GNB1: variants seen among roughly 807,000 people sequenced by gnomAD.
GNB1 encodes the protein G protein subunit beta 1.
Under a neutral mutation model 42.9 loss-of-function variants are expected in GNB1, and 2 were observed. That is an observed-to-expected ratio of 0.05 (90% CI 0.02 to 0.15). The LOEUF (loss-of-function observed/expected upper bound fraction) is 0.15. GNB1 is among the 10% of genes least tolerant of loss of function. GNB1 has a pLI of 1.00. For synonymous variants in GNB1, 183 were observed against 174.7 expected (o/e 1.05, Z -0.38); for missense variants, 193 against 462.2 (o/e 0.42, Z 5.34).
At chr1:1,856,560 T>C (rs1648310564) in intron 1 of GNB1, among the ~76,000 whole-genome samples, 1 of 152,202 alleles carries the variant, frequency 6.6e-6, no homozygotes, top group Non-Finnish European at 1.5e-5. Context: ...CCCGAGTAGC[T>C]GGGACTACAG....
chr1:1,860,506 G>A (rs892204666), intron 1 of GNB1, among the ~76,000 whole-genome samples: 1 of 151,942 alleles, frequency 6.6e-6, no homozygotes, highest in Non-Finnish European at 1.5e-5. Context: ...TCGTGGTGGT[G>A]GGCGCCTGTA....
intron 1 of GNB1, among the ~76,000 whole-genome samples, chr1:1,847,767 T>G (rs1055178204): frequency 2.0e-5 from 3 of 151,936 alleles, no homozygotes; most frequent in African/African-American, 7.3e-5. Flanking sequence ...ATGAAAAGAC[T>G]GTGCATATGC....
intron 3 of GNB1, chr1:1,825,125 G>A: frequency 2.9e-6 from 1 of 344,128 alleles, no homozygotes; most frequent in South Asian, 4.9e-5. Context: ...AAATTTTCAA[G>A]GTTATGATAA....
At position 1,812,065 on chromosome 1, in the gene GNB1, C is replaced by CAAAA. The variant is rs1337182201; in HGVS notation, c.203+3687_203+3690dup. 8.0e-5 allele frequency among the ~76,000 whole-genome samples: 11 copies of CAAAA among 136,726 alleles called. 1 individual carries two copies. Among genetic ancestry groups the CAAAA allele is most frequent in the Admixed American group, 2.9e-4 (4 of 13,740 alleles). The allele number at this position is 136,726 out of a possible 152,430, so 89.7% of individuals were successfully genotyped here. ...TGGGTGACAGAGCGAGACTCCGTCT[C>CAAAA]AAAAAAAAAAACCCAAAAAAACTGG... On this transcript the variant is annotated intron_variant, in intron 5 of 11. Transcript: ENST00000378609.
chr1:1,887,603 G>A (rs1233964526), intron 1 of GNB1, among the ~76,000 whole-genome samples: 1 of 152,176 alleles, frequency 6.6e-6, no homozygotes, highest in Non-Finnish European at 1.5e-5. Flanking sequence ...TGAAATCAAA[G>A]TCATTGGGCA....
chr1:1,818,124 G>A, intron 3 of GNB1: 1 of 362,980 alleles, frequency 2.8e-6, no homozygotes, highest in African/African-American at 2.1e-5. Flanking sequence ...CAATATTCCT[G>A]GGGACCCACA....
At chr1:1,845,498 A>C (rs986939416) in intron 1 of GNB1, among the ~76,000 whole-genome samples, 1 of 152,108 alleles carries the variant, frequency 6.6e-6, no homozygotes, top group South Asian at 2.1e-4. Flanking sequence ...GCGTGAACCC[A>C]GGAGGCGGAG....
chr1:1,789,323 G>A (rs1469082904), intron 9 of GNB1, 54 bp from the exon 10 acceptor site: 2 of 1,002,188 alleles, frequency 2.0e-6, no homozygotes, highest in East Asian at 2.5e-5. Flanking sequence ...AAGAAACATT[G>A]GGAATATGGA....
intron 5 of GNB1, among the ~76,000 whole-genome samples, chr1:1,810,770 C>T (rs555316065): frequency 6.6e-5 from 10 of 150,814 alleles, no homozygotes; most frequent in African/African-American, 2.2e-4. Flanking sequence ...TGGGTTCAAG[C>T]GATTATCCTG....
chr1:1,786,443 A>G lies in GNB1; in HGVS notation c.*620T>C, dbSNP rs1253660890. ...CTTTTCTATGCCACGTTTGTGTGCAACAATGATCTGTGACATCAGACAGAA... is the reference window on the plus strand; with the variant it reads ...CTTTTCTATGCCACGTTTGTGTGCAGCAATGATCTGTGACATCAGACAGAA... On this transcript the variant is annotated 3_prime_UTR_variant, in exon 12 of 12. Transcript: ENST00000378609. 1.0e-5 allele frequency: 2 copies of G among 196,020 alleles called. No individual in the cohort carries two copies. Among genetic ancestry groups the G allele is most frequent in the Non-Finnish European group, 2.1e-5 (2 of 97,158 alleles). The allele number at this position is 196,020 out of a possible 1,614,324, so 12.1% of individuals were successfully genotyped here. A position where few individuals can be genotyped will look rare whatever the true frequency, so the allele number is the denominator to read the frequency against.
At chr1:1,819,686 G>C (rs932747371) in intron 3 of GNB1, among the ~76,000 whole-genome samples, 2 of 148,524 alleles carry the variant, frequency 1.3e-5, no homozygotes, top group Non-Finnish European at 3.0e-5. Flanking sequence ...CTACAAGCAT[G>C]CATTACTATG....
chr1:1,788,842 G>C lies in GNB1; in HGVS notation c.916+211C>G, dbSNP rs78460602. 3.2e-3 allele frequency: 1,724 copies of C among 531,414 alleles called. 32 individuals carry two copies. The highest frequency in any genetic ancestry group is 0.031 in the African/African-American group (1,605 of 52,466). The allele number at this position is 531,414 out of a possible 1,614,324, so 32.9% of individuals were successfully genotyped here. A position where few individuals can be genotyped will look rare whatever the true frequency, so the allele number is the denominator to read the frequency against. On this transcript the variant is annotated intron_variant, in intron 10 of 11. Coordinates refer to ENST00000378609, the MANE Select transcript of GNB1 (RefSeq NM_002074.5). ...ACTGACTCTCCCCAGAGCCCTCCCC[G>C]ACGCATGTGGGAAGATCTGCTGGTA...
chr1:1,833,768 G>A (rs1647107821), intron 2 of GNB1, among the ~76,000 whole-genome samples: 1 of 152,122 alleles, frequency 6.6e-6, no homozygotes, highest in Admixed American at 6.6e-5. Flanking sequence ...GCAGGCAGAT[G>A]GGCAAAAATA....
chr1:1,868,260 C>T (rs1224701932), intron 1 of GNB1, among the ~76,000 whole-genome samples: 1 of 152,118 alleles, frequency 6.6e-6, no homozygotes, highest in African/African-American at 2.4e-5. Context: ...GCTGCAACCT[C>T]TGCCTCCCGG....
At chr1:1,856,399 C>G (rs936883318) in intron 1 of GNB1, among the ~76,000 whole-genome samples, 1 of 152,302 alleles carries the variant, frequency 6.6e-6, no homozygotes, top group East Asian at 1.9e-4. Flanking sequence ...GCTGGGATAA[C>G]AGGCATAAGC....
At chr1:1,882,338 G>A (rs182231103) in intron 1 of GNB1, among the ~76,000 whole-genome samples, 24 of 147,632 alleles carry the variant, frequency 1.6e-4, no homozygotes, top group African/African-American at 6.1e-4. Flanking sequence ...TGAGGCAGGA[G>A]AAGCGCCTGA....
At chr1:1,807,490 A>AC (rs1557892253) in intron 5 of GNB1, among the ~76,000 whole-genome samples, 4 of 146,228 alleles carry the variant, frequency 2.7e-5, no homozygotes, top group Admixed American at 6.8e-5. Flanking sequence ...AAAAAAAAAA[A>AC]AAACAAACAG....
At chr1:1,855,388 T>A (rs1171959553) in intron 1 of GNB1, among the ~76,000 whole-genome samples, 1 of 144,606 alleles carries the variant, frequency 6.9e-6, no homozygotes, top group Non-Finnish European at 1.5e-5. Flanking sequence ...TAACCAGCAA[T>A]GACTTAAAAA....
intron 7 of GNB1, among the ~76,000 whole-genome samples, chr1:1,796,313 C>T (rs928734516): frequency 6.6e-6 from 1 of 152,166 alleles, no homozygotes; most frequent in African/African-American, 2.4e-5. Context: ...GGTCTAACCC[C>T]TTCTTCCAGG....
Sources: gnomAD v4.1 joint callset for allele counts (sites outside exome capture counted in the v4.1 genomes callset) on GRCh38, gnomAD v4.1.1 for gene constraint, MANE v1.5 for transcripts, NCBI Gene and HGNC (gene_info 2026-07-23, HGNC 2026-07-21) for gene names.